CSMD1: variants seen among roughly 807,000 people sequenced by gnomAD.
CSMD1 encodes the protein CUB and Sushi multiple domains 1, also known as CUB and sushi domain-containing protein 1.
Under a neutral mutation model 417.5 loss-of-function variants are expected in CSMD1, and 213 were observed. The ratio of observed to expected loss-of-function variants is 0.51; its 90% CI spans 0.46 to 0.57. The LOEUF (loss-of-function observed/expected upper bound fraction) is 0.57. Among genes scored for constraint, CSMD1 ranks in the 20% least tolerant of loss-of-function variants. CSMD1 has a pLI of 0.00. For missense variants in CSMD1, 6,923 were observed against 4,529.7 expected, an observed-to-expected ratio of 1.53 and a Z score of -15.17; for synonymous variants, 2,862 against 1,736.8, an observed-to-expected ratio of 1.65 and a Z score of -16.11.
intron 3 of CSMD1, among the ~76,000 whole-genome samples, chr8:4,213,998 G>C (rs1223845318): frequency 6.6e-6 from 1 of 152,132 alleles, no homozygotes. Flanking sequence ...CAAACAGAAA[G>C]GGGCAAAGTT....
At chr8:4,497,747 C>T (rs559613872) in intron 2 of CSMD1, among the ~76,000 whole-genome samples, 41 of 152,214 alleles carry the variant, frequency 2.7e-4, no homozygotes, top group Admixed American at 4.6e-4. Context: ...CAAAGCTCCC[C>T]GAAACAATTC....
At chr8:4,981,463 C>A (rs1423381031) in intron 1 of CSMD1, among the ~76,000 whole-genome samples, 3 of 152,208 alleles carry the variant, frequency 2.0e-5, no homozygotes, top group Non-Finnish European at 2.9e-5. Flanking sequence ...CAACCAAAAC[C>A]TGATATCATC....
chr8:4,296,354 G>C (rs1022636800), intron 3 of CSMD1, among the ~76,000 whole-genome samples: 1 of 152,094 alleles, frequency 6.6e-6, no homozygotes, highest in Non-Finnish European at 1.5e-5. Context: ...ATAAACTCAT[G>C]TATATTTCAG....
intron 3 of CSMD1, among the ~76,000 whole-genome samples, chr8:4,286,307 G>A (rs1241768151): frequency 6.6e-6 from 1 of 152,050 alleles, no homozygotes; most frequent in African/African-American, 2.4e-5. Flanking sequence ...AGGGGCCGTT[G>A]TTCTTGTCAC....
intron 5 of CSMD1, among the ~76,000 whole-genome samples, chr8:3,850,948 C>G (rs2954228): frequency 0.22 from 33,290 of 151,994 alleles, 4,144 homozygotes; most frequent in East Asian, 0.42. Context: ...CTTCTTTTAA[C>G]TTGTTGTTAT....
At chr8:3,457,611 T>C (rs1222992564) in intron 12 of CSMD1, among the ~76,000 whole-genome samples, 1 of 152,196 alleles carries the variant, frequency 6.6e-6, no homozygotes, top group Non-Finnish European at 1.5e-5. Context: ...AATAGTCCCA[T>C]CTATAACTTT....
intron 12 of CSMD1, among the ~76,000 whole-genome samples, chr8:3,428,642 A>G (rs547708585): frequency 1.6e-4 from 24 of 152,274 alleles, no homozygotes; most frequent in Non-Finnish European, 1.3e-4. Context: ...GGAAAACAGT[A>G]TGCAGCTTTC....
chr8:4,407,402 G>A (rs1805106851), intron 3 of CSMD1, among the ~76,000 whole-genome samples: 1 of 152,148 alleles, frequency 6.6e-6, no homozygotes, highest in South Asian at 2.1e-4. Flanking sequence ...GGCAACTTGT[G>A]TTTAGGTTGC....
chr8:4,692,361 C>T (rs932103389), intron 1 of CSMD1, among the ~76,000 whole-genome samples: 3 of 152,176 alleles, frequency 2.0e-5, no homozygotes, highest in African/African-American at 7.2e-5. Flanking sequence ...AACAACAAAA[C>T]GAAACAAAAA....
intron 4 of CSMD1, among the ~76,000 whole-genome samples, chr8:4,005,387 G>A (rs1206987727): frequency 2.0e-5 from 3 of 152,144 alleles, no homozygotes; most frequent in African/African-American, 7.2e-5. Flanking sequence ...ACAGACACAC[G>A]TGGCCGGGTG....
intron 12 of CSMD1, among the ~76,000 whole-genome samples, chr8:3,424,721 C>G (rs1182503201): frequency 6.6e-6 from 1 of 152,206 alleles, no homozygotes; most frequent in Non-Finnish European, 1.5e-5. Flanking sequence ...AATTGTCCTT[C>G]TTGATTATCA....
chr8:4,890,856 T>C (rs937378098), intron 1 of CSMD1, among the ~76,000 whole-genome samples: 14 of 152,120 alleles, frequency 9.2e-5, no homozygotes, highest in African/African-American at 2.4e-4. Context: ...ACAGATCACA[T>C]TGAGTGACAA....
chr8:3,954,780 A>C (rs933612568), intron 5 of CSMD1, among the ~76,000 whole-genome samples: 3 of 151,588 alleles, frequency 2.0e-5, no homozygotes, highest in African/African-American at 4.8e-5. Context: ...TGTGGCAGGG[A>C]GTTACATGCA....
In CSMD1 at chr8:4,463,352, G is replaced by A. The variant is rs762850764; in HGVS notation, c.303-43287C>T. On this transcript the variant is annotated intron_variant, in intron 2 of 69. Transcript: ENST00000635120. ...GGCTGGTGAGAATATAGAATGGTGC[G>A]TCTATTTTGTAAAATACTCCGGAAG... Among the ~76,000 whole-genome samples the A allele has an allele frequency of 2.6e-5, 4 of 152,106 alleles. No individual in the cohort carries two copies. In the South Asian group the frequency reaches 8.3e-4, roughly 32 times the overall value.
chr8:4,565,012 G>T (rs1000621605), intron 2 of CSMD1, among the ~76,000 whole-genome samples: 3 of 152,134 alleles, frequency 2.0e-5, no homozygotes, highest in Non-Finnish European at 2.9e-5. Flanking sequence ...TGTAATGATA[G>T]ATGTCTGTCA....
At chr8:3,145,533 T>A (rs978226312) in intron 40 of CSMD1, among the ~76,000 whole-genome samples, 1 of 152,102 alleles carries the variant, frequency 6.6e-6, no homozygotes. Context: ...GAAATGGAAT[T>A]ATGACAATTA....
intron 2 of CSMD1, among the ~76,000 whole-genome samples, chr8:4,449,381 T>C (rs1226335918): frequency 6.6e-6 from 1 of 152,174 alleles, no homozygotes; most frequent in Non-Finnish European, 1.5e-5. Context: ...TTCTGGTGTA[T>C]AACATAAGAG....
chr8:4,774,695 G>A (rs1403090669), intron 1 of CSMD1, among the ~76,000 whole-genome samples: 1 of 152,124 alleles, frequency 6.6e-6, no homozygotes, highest in Admixed American at 6.5e-5. Flanking sequence ...GCTCATGGGG[G>A]TGGATCCTTC....
intron 2 of CSMD1, among the ~76,000 whole-genome samples, chr8:4,436,163 A>C (rs1400244949): frequency 1.3e-5 from 2 of 152,198 alleles, no homozygotes; most frequent in African/African-American, 2.4e-5. Context: ...TGAGAGAGTT[A>C]GATTTCAGTG....
Sources: gnomAD v4.1 joint callset for allele counts (sites outside exome capture counted in the v4.1 genomes callset) on GRCh38, gnomAD v4.1.1 for gene constraint, MANE v1.5 for transcripts, NCBI Gene and HGNC (gene_info 2026-07-23, HGNC 2026-07-21) for gene names.